GLRA1: variants seen among roughly 807,000 people sequenced by gnomAD.
GLRA1 encodes glycine receptor alpha 1.
Under a neutral mutation model 48.3 loss-of-function variants are expected in GLRA1, and 37 were observed. That is an observed-to-expected ratio of 0.77 (90% CI 0.59 to 1.01). The LOEUF (loss-of-function observed/expected upper bound fraction) is 1.01. Ranked by LOEUF, GLRA1 falls within the 50% of genes least tolerant of loss-of-function variation. GLRA1 has a pLI of 0.00. For missense variants in GLRA1, 427 were observed against 571.0 expected, an observed-to-expected ratio of 0.75 and a Z score of 2.57; for synonymous variants, 196 against 210.7, an observed-to-expected ratio of 0.93 and a Z score of 0.60.
intron 6 of GLRA1, among the ~76,000 whole-genome samples, chr5:151,851,936 C>G (rs1752924950): frequency 6.6e-6 from 1 of 152,100 alleles, no homozygotes; most frequent in Non-Finnish European, 1.5e-5. Context: ...TCATCATCAT[C>G]AATATTTTCT....
Position 151,866,519 on chromosome 5 carries a change from A to C in GLRA1, c.253-6511T>G, listed in dbSNP as rs142561267. Among the ~76,000 whole-genome samples the C allele has an allele frequency of 6.1e-4, 93 of 152,322 alleles. 5 individuals are homozygous for C. The East Asian group carries it at 0.016, about 26-fold the overall frequency. ...TTGGTGGGAAGGGTATGTGGAATGCAAGAGGTGGGCCCATTGCAGTCAGAA... is the reference window on the plus strand; with the variant it reads ...TTGGTGGGAAGGGTATGTGGAATGCCAGAGGTGGGCCCATTGCAGTCAGAA... On this transcript the variant is annotated intron_variant, in intron 3 of 8. Transcript: ENST00000274576.
chr5:151,850,645 C>A, intron 7 of GLRA1: 2 of 1,417,356 alleles, frequency 1.4e-6, no homozygotes, highest in Non-Finnish European at 1.0e-6. Flanking sequence ...CCAACATACA[C>A]ATTCCCTGGA....
At chr5:151,921,703 T>C (rs1046677918) in intron 1 of GLRA1, among the ~76,000 whole-genome samples, 15 of 152,322 alleles carry the variant, frequency 9.8e-5, no homozygotes, top group South Asian at 4.1e-4. Context: ...GCTTCTACCA[T>C]TAAAAAAATT....
intron 3 of GLRA1, among the ~76,000 whole-genome samples, chr5:151,869,747 C>T (rs1753429976): frequency 6.7e-6 from 1 of 149,352 alleles, no homozygotes; most frequent in Admixed American, 6.6e-5. Context: ...AACAAAACAA[C>T]AACAACAAAA....
chr5:151,897,684 A>G (rs140361822), intron 1 of GLRA1, among the ~76,000 whole-genome samples: 3 of 152,340 alleles, frequency 2.0e-5, no homozygotes, highest in Non-Finnish European at 4.4e-5. Flanking sequence ...TTGAAGATTC[A>G]TAGGGTATTC....
intron 2 of GLRA1, among the ~76,000 whole-genome samples, chr5:151,891,080 T>C (rs747653877): frequency 1.3e-5 from 2 of 152,224 alleles, no homozygotes; most frequent in East Asian, 1.9e-4. Context: ...TGTTTAGTCT[T>C]GAACTTGAGC....
chr5:151,910,835 T>C (rs1346680683), intron 1 of GLRA1, among the ~76,000 whole-genome samples: 1 of 152,232 alleles, frequency 6.6e-6, no homozygotes. Flanking sequence ...TAGCACTTAC[T>C]AGGTCCTGCA....
intron 3 of GLRA1, among the ~76,000 whole-genome samples, chr5:151,866,841 C>T (rs753716993): frequency 1.3e-5 from 2 of 152,118 alleles, no homozygotes; most frequent in East Asian, 3.8e-4. Flanking sequence ...CGGTGGCTCA[C>T]GCCTGTAATC....
chr5:151,828,574 A>G (rs1490480501), intron 8 of GLRA1, among the ~76,000 whole-genome samples: 1 of 152,228 alleles, frequency 6.6e-6, no homozygotes, highest in African/African-American at 2.4e-5. Flanking sequence ...AAAACAATGC[A>G]GTCTTGCAGA....
At chr5:151,858,081 T>C (rs4076138) in intron 4 of GLRA1, among the ~76,000 whole-genome samples, 67,745 of 152,004 alleles carry the variant, frequency 0.45, 15,541 homozygotes, top group African/African-American at 0.56. Context: ...TACCCTAAGA[T>C]ACCTAATTGG....
At chr5:151,888,709 G>C (rs1212122661) in intron 2 of GLRA1, among the ~76,000 whole-genome samples, 1 of 152,200 alleles carries the variant, frequency 6.6e-6, no homozygotes, top group African/African-American at 2.4e-5. Context: ...CTAGTGTTCA[G>C]AGAGCTACCT....
At chr5:151,828,874 T>G (rs370613352) in intron 8 of GLRA1, 47 bp downstream of exon 8, 21 of 1,578,492 alleles carry the variant, frequency 1.3e-5, no homozygotes, top group African/African-American at 1.2e-4. Context: ...AGAACTCTTT[T>G]GTTTACTAAC....
At chr5:151,837,568 G>A (rs1032949929) in intron 7 of GLRA1, among the ~76,000 whole-genome samples, 3 of 152,086 alleles carry the variant, frequency 2.0e-5, no homozygotes, top group East Asian at 3.9e-4. Flanking sequence ...AACCCAAATG[G>A]CCACCAATGA....
chr5:151,918,081 C>A (rs1430162510), intron 1 of GLRA1, among the ~76,000 whole-genome samples: 1 of 152,104 alleles, frequency 6.6e-6, no homozygotes, highest in Non-Finnish European at 1.5e-5. Context: ...TGGACAATAC[C>A]AACTTTAGAA....
intron 3 of GLRA1, among the ~76,000 whole-genome samples, chr5:151,865,419 G>A (rs1399066485): frequency 6.6e-6 from 1 of 152,164 alleles, no homozygotes. Flanking sequence ...CATATGTGAA[G>A]GCCTAGAGGT....
intron 3 of GLRA1, among the ~76,000 whole-genome samples, chr5:151,879,046 C>T (rs532631441): frequency 1.3e-4 from 20 of 152,364 alleles, no homozygotes; most frequent in East Asian, 5.8e-4. Context: ...AGACACTCAA[C>T]GCTAGCCTAT....
chr5:151,864,951 G>A (rs909127762), intron 3 of GLRA1, among the ~76,000 whole-genome samples: 3 of 152,080 alleles, frequency 2.0e-5, no homozygotes, highest in Non-Finnish European at 4.4e-5. Context: ...GACCCAGAGG[G>A]GAAAGGTATT....
chr5:151,847,803 C>T (rs1021454186), intron 7 of GLRA1, among the ~76,000 whole-genome samples: 1 of 151,222 alleles, frequency 6.6e-6, no homozygotes, highest in African/African-American at 2.4e-5. Flanking sequence ...TTGTATTGAT[C>T]GTAAGGGTGA....
At chr5:151,904,592 A>G (rs1202178551) in intron 1 of GLRA1, among the ~76,000 whole-genome samples, 2 of 152,188 alleles carry the variant, frequency 1.3e-5, no homozygotes, top group African/African-American at 4.8e-5. Context: ...GAAAAAGGGC[A>G]TGCTCCAGGG....
Sources: allele counts gnomAD v4.1 joint callset (sites outside exome capture counted in the v4.1 genomes callset), GRCh38; gene constraint gnomAD v4.1.1; transcripts MANE v1.5; gene names NCBI Gene and HGNC (gene_info 2026-07-23, HGNC 2026-07-21).